Variants in FSTL5 observed in about 807,000 individuals in gnomAD.
The protein encoded by FSTL5 is follistatin-related protein 5.
A neutral mutation model predicts 89.1 loss-of-function variants in FSTL5; 62 were observed. That is an observed-to-expected ratio of 0.70 (90% CI 0.57 to 0.86). The LOEUF (loss-of-function observed/expected upper bound fraction) is 0.86. Ranked by LOEUF, FSTL5 falls within the 40% of genes least tolerant of loss-of-function variation. FSTL5 has a pLI of 0.00. For missense variants in FSTL5, 1,057 were observed against 1,001.6 expected, an observed-to-expected ratio of 1.06 and a Z score of -0.75; for synonymous variants, 383 against 346.2, an observed-to-expected ratio of 1.11 and a Z score of -1.18.
At chr4:161,554,378 T>G (rs920281633) in intron 8 of FSTL5, among the ~76,000 whole-genome samples, 1 of 151,568 alleles carries the variant, frequency 6.6e-6, no homozygotes, top group African/African-American at 2.4e-5. Flanking sequence ...AATCCAATAT[T>G]AGAAAGATTC....
At chr4:161,484,855 T>C (rs528297469) in intron 12 of FSTL5, among the ~76,000 whole-genome samples, 21 of 152,300 alleles carry the variant, frequency 1.4e-4, no homozygotes, top group African/African-American at 4.6e-4. Flanking sequence ...GACACTTGAT[T>C]TGTCATAAAA....
At position 162,000,611 on chromosome 4, in the gene FSTL5, C is replaced by A. The variant is rs982215501; in HGVS notation, c.160+33014G>T. On this transcript the variant is annotated intron_variant, in intron 3 of 15. Transcript: ENST00000306100. Reference sequence around the variant, plus strand: ...AGACTCAGTCTAAAAAAAAAAAAAACAAAAACAACAACAACAACAAAATAT... The same window carrying A: ...AGACTCAGTCTAAAAAAAAAAAAAAAAAAAACAACAACAACAACAAAATAT... 2.6e-3 allele frequency among the ~76,000 whole-genome samples: 378 copies of A among 148,052 alleles called. 1 individual carries two copies. The highest frequency in any genetic ancestry group is 8.8e-3 in the African/African-American group (354 of 40,430).
chr4:162,086,116 A>G (rs2111345144), intron 2 of FSTL5, among the ~76,000 whole-genome samples: 1 of 152,164 alleles, frequency 6.6e-6, no homozygotes, highest in South Asian at 2.1e-4. Context: ...TAATATATTT[A>G]ATGTGTTTTT....
At chr4:161,419,072 AC>A (rs1731890174) in intron 15 of FSTL5, among the ~76,000 whole-genome samples, 1 of 152,174 alleles carries the variant, frequency 6.6e-6, no homozygotes, top group South Asian at 2.1e-4. Context: ...CTTCTCAATC[AC>A]ATTTCAATCT....
At chr4:162,066,802 T>C (rs1432247957) in intron 2 of FSTL5, among the ~76,000 whole-genome samples, 1 of 152,122 alleles carries the variant, frequency 6.6e-6, no homozygotes, top group South Asian at 2.1e-4. Context: ...ATGGTGTCTA[T>C]GTGCCACATT....
chr4:161,985,392 T>G (rs1164651894), intron 3 of FSTL5, among the ~76,000 whole-genome samples: 1 of 152,132 alleles, frequency 6.6e-6, no homozygotes, highest in African/African-American at 2.4e-5. Context: ...AGAACTAGTT[T>G]TTTTGAAAAG....
intron 7 of FSTL5, among the ~76,000 whole-genome samples, chr4:161,636,597 T>G (rs887517313): frequency 6.6e-6 from 1 of 150,438 alleles, no homozygotes; most frequent in Non-Finnish European, 1.5e-5. Context: ...TATCTCCCAA[T>G]GCTATCCCTC....
intron 3 of FSTL5, among the ~76,000 whole-genome samples, chr4:162,030,473 G>GA (rs879841909): frequency 1.3e-5 from 2 of 151,974 alleles, no homozygotes; most frequent in East Asian, 3.9e-4. Context: ...AACTGGAAAT[G>GA]AAAAAAACAT....
chr4:161,570,278 C>T (rs931128840), intron 8 of FSTL5, among the ~76,000 whole-genome samples: 8 of 151,964 alleles, frequency 5.3e-5, no homozygotes, highest in African/African-American at 1.9e-4. Flanking sequence ...GAAAATGTGA[C>T]ATTTAAGCAG....
In FSTL5 at chr4:162,049,647, A is replaced by C. The variant is rs115128258; in HGVS notation, c.127-15989T>G. The stretch of plus-strand genomic sequence containing the variant: ...GATTAACAAGGAACACTGGTTGACT[A>C]TCTGCCATGCCGCTAAAAAGGAAGA... On this transcript the variant is annotated intron_variant, in intron 2 of 15. Transcript: ENST00000306100. Among the ~76,000 whole-genome samples the C allele has an allele frequency of 2.7e-3, 406 of 152,180 alleles. 2 individuals are homozygous for C. The highest frequency in any genetic ancestry group is 9.4e-3 in the African/African-American group (391 of 41,556).
chr4:162,146,770 C>CTCTCTCTCTTTCTT (rs754279568), intron 1 of FSTL5, among the ~76,000 whole-genome samples: 4 of 142,962 alleles, frequency 2.8e-5, no homozygotes, highest in South Asian at 2.3e-4. Flanking sequence ...CTCTCTCTCT[C>CTCTCTCTCTTTCTT]TCTTTCTTTC....
At position 161,500,107 on chromosome 4, in the gene FSTL5, A is replaced by T. The variant is rs1490259556; in HGVS notation, c.1367T>A (p.Val456Asp). ...CACTTTGATTCCATCTTCATAAAAAACATAGAACATGTTCCCAATTCCCAG... is the reference window on the plus strand; with the variant it reads ...CACTTTGATTCCATCTTCATAAAAATCATAGAACATGTTCCCAATTCCCAG... ...EGLGIGNMFY[V>D]FYEDGIKVIQ... is the part of the protein sequence containing the mutation. Residue 456 changes from valine to aspartate, a missense_variant, in exon 12 of 16, where the codon GTT (valine) becomes GAT (aspartate). Physicochemically the swap from Val to Asp is radical, Grantham distance 152. This residue lies in a region of FSTL5 where 980 missense variants were observed against 903.2 expected (regional missense o/e 1.08). Coordinates refer to ENST00000306100, the MANE Select transcript of FSTL5 (RefSeq NM_020116.5). 6.2e-7 allele frequency: 1 copy of T among 1,601,786 alleles called. No individual in the cohort carries two copies. The highest frequency in any genetic ancestry group is 8.5e-7 in the Non-Finnish European group (1 of 1,171,696).
intron 3 of FSTL5, among the ~76,000 whole-genome samples, chr4:161,998,451 T>C (rs1736364315): frequency 6.6e-6 from 1 of 152,142 alleles, no homozygotes; most frequent in Non-Finnish European, 1.5e-5. Flanking sequence ...CATTGACCAA[T>C]CTTCCCCTTT....
chr4:161,895,948 A>G (rs548542461), intron 4 of FSTL5, among the ~76,000 whole-genome samples: 1 of 152,298 alleles, frequency 6.6e-6, no homozygotes, highest in East Asian at 1.9e-4. Flanking sequence ...ATTATTTTCA[A>G]TTAGAAATCT....
intron 2 of FSTL5, among the ~76,000 whole-genome samples, chr4:162,066,037 C>T (rs1738884134): frequency 6.6e-6 from 1 of 152,020 alleles, no homozygotes; most frequent in East Asian, 1.9e-4. Flanking sequence ...TGTAAAATCA[C>T]ACAATCTCTG....
chr4:161,674,224 T>C (rs142638660), intron 6 of FSTL5, among the ~76,000 whole-genome samples: 1 of 152,106 alleles, frequency 6.6e-6, no homozygotes, highest in East Asian at 1.9e-4. Flanking sequence ...TATACACATA[T>C]ATGTGTAAGA....
At chr4:161,489,463 A>G (rs1266291756) in intron 12 of FSTL5, among the ~76,000 whole-genome samples, 1 of 152,180 alleles carries the variant, frequency 6.6e-6, no homozygotes, top group Non-Finnish European at 1.5e-5. Flanking sequence ...AAATAGGACA[A>G]CTACTAGATG....
At chr4:162,044,246 T>A (rs777173522) in intron 2 of FSTL5, among the ~76,000 whole-genome samples, 1 of 152,202 alleles carries the variant, frequency 6.6e-6, no homozygotes, top group Admixed American at 6.5e-5. Flanking sequence ...ACAGAATGAA[T>A]GTTTTGTTAG....
chr4:162,052,049 T>C (rs1738395318), intron 2 of FSTL5, among the ~76,000 whole-genome samples: 1 of 151,450 alleles, frequency 6.6e-6, no homozygotes, highest in Non-Finnish European at 1.5e-5. Context: ...CTGTCTCAAG[T>C]CTGAATTAAA....
Sources: gnomAD v4.1 joint callset for allele counts (sites outside exome capture counted in the v4.1 genomes callset) on GRCh38, gnomAD v4.1.1 for gene constraint, gnomAD v4.1.1 regional missense constraint, MANE v1.5 for transcripts, NCBI Gene and HGNC (gene_info 2026-07-23, HGNC 2026-07-21) for gene names.